PCK2: variants seen among roughly 807,000 people sequenced by gnomAD.
PCK2 encodes phosphoenolpyruvate carboxykinase 2, mitochondrial.
Under a neutral mutation model 65.9 loss-of-function variants are expected in PCK2, and 56 were observed. The ratio of observed to expected loss-of-function variants is 0.85; its 90% CI spans 0.69 to 1.06. The LOEUF is 1.06. Among genes scored for constraint, PCK2 ranks in the 50% least tolerant of loss-of-function variants. The pLI, the probability that PCK2 is intolerant of heterozygous loss-of-function variation, is 0.00. For missense variants in PCK2, 843 were observed against 863.1 expected, an observed-to-expected ratio of 0.98 and a Z score of 0.29; for synonymous variants, 305 against 319.6, an observed-to-expected ratio of 0.95 and a Z score of 0.49.
Position 24,103,546 on chromosome 14 carries a change from C to T in PCK2, c.1505C>T (p.Pro502Leu). 1.9e-6 allele frequency: 3 copies of T among 1,567,112 alleles called. No individual in the cohort carries two copies. The highest frequency in any genetic ancestry group is 1.7e-6 in the Non-Finnish European group (2 of 1,155,302). ...ATGCACGACCCATTTGCCATGCGGC[C>T]CTTTTTTGGCTACAACTTCGGGCAC... ...IIMHDPFAMRPFFGYNFGHYL... is the reference protein window; with the variant it reads ...IIMHDPFAMRLFFGYNFGHYL... Residue 502 changes from proline to leucine, a missense_variant, in exon 10 of 10, where the codon CCC becomes CTC. Coordinates refer to ENST00000216780, the MANE Select transcript of PCK2 (RefSeq NM_004563.4).
In PCK2 at chr14:24,103,638, A is replaced by G. The variant is rs1413495742; in HGVS notation, c.1597A>G (p.Asn533Asp). Reference protein sequence around the residue: ...GAQLPRIFHVNWFRRDEAGHF... With the variant: ...GAQLPRIFHVDWFRRDEAGHF... ...CCAGCTGCCCCGTATCTTCCATGTC[A>G]ACTGGTTCCGGCGTGACGAGGCAGG... Residue 533 changes from asparagine (N) to aspartate (D), a missense_variant, in exon 10 of 10, where the codon AAC becomes GAC. Physicochemically the swap from Asn to Asp is conservative, Grantham distance 23. Transcript: ENST00000216780. The G allele has an allele frequency of 7.4e-6, 12 of 1,613,994 alleles. No homozygotes were observed. Among genetic ancestry groups the G allele is most frequent in the Non-Finnish European group, 1.0e-5 (12 of 1,179,978 alleles).
rs200437491 is a variant in PCK2, at chr14:24,102,785, C to A, written c.1267C>A (p.Arg423=). The change falls in exon 8 of 10, where the codon CGA becomes AGA. Residue 423 remains arginine, a synonymous_variant. Coordinates refer to ENST00000216780, the MANE Select transcript of PCK2 (RefSeq NM_004563.4). Reference sequence around the variant, plus strand: ...GGAGCCCTGTGCACATCCCAACTCTCGATTTTGTGCCCCGGCTCGCCAGTG... The same window carrying A: ...GGAGCCCTGTGCACATCCCAACTCTAGATTTTGTGCCCCGGCTCGCCAGTG... ...DKEPCAHPNS[R]FCAPARQCPI... is the part of the protein sequence containing the mutation. The A allele has an allele frequency of 2.5e-6, 4 of 1,613,908 alleles. No homozygotes were observed. Among genetic ancestry groups the A allele is most frequent in the South Asian group, 1.1e-5 (1 of 91,066 alleles).
In PCK2 at chr14:24,103,920, T is replaced by C; in HGVS notation, c.1879T>C (p.Leu627=). The C allele has an allele frequency of 1.2e-6, 2 of 1,614,058 alleles. No individual in the cohort carries two copies. The highest frequency in any genetic ancestry group is 3.3e-4 in the Middle Eastern group (2 of 6,062). Residue 627 remains leucine, a synonymous_variant, in exon 10 of 10, where the codon TTG becomes CTG. Transcript: ENST00000216780. ...QVNQDLPKEV[L]AELEALERRV... Reference sequence around the variant, plus strand: ...CAACCAGGATCTGCCCAAAGAGGTGTTGGCTGAGCTTGAGGCCCTGGAGAG... The same window carrying C: ...CAACCAGGATCTGCCCAAAGAGGTGCTGGCTGAGCTTGAGGCCCTGGAGAG...
chr14:24,103,176 C>G lies in PCK2; in HGVS notation c.1389C>G (p.Tyr463Ter), dbSNP rs140725571. The change falls in exon 9 of 10, where the codon TAC (tyrosine) becomes TAG (stop). Residue 463 changes from tyrosine (Y) to a stop codon, truncating the protein, a stop_gained. Transcript: ENST00000216780. LOFTEE classifies it high-confidence loss of function. ...GTGATCTAGGGGTACCCCTGGTATACGAGGCCTTCAACTGGCGTCATGGGG... is the reference window on the plus strand; with the variant it reads ...GTGATCTAGGGGTACCCCTGGTATAGGAGGCCTTCAACTGGCGTCATGGGG... The part of the protein sequence containing the change: ...GRRPKGVPLV[Y>*]EAFNWRHGVF... 2.5e-6 allele frequency: 4 copies of G among 1,613,460 alleles called. No individual in the cohort carries two copies. The highest frequency in any genetic ancestry group is 3.4e-6 in the Non-Finnish European group (4 of 1,179,474).
At chr14:24,103,028 G>A in intron 8 of PCK2, 132 bp from the exon 9 acceptor site, 1 of 1,221,490 alleles carries the variant, frequency 8.2e-7, no homozygotes, top group Admixed American at 1.8e-5. Context: ...GCAAACTTGG[G>A]AGGAGGCAAA....
At position 24,103,591 on chromosome 14, in the gene PCK2, G is replaced by A; in HGVS notation, c.1550G>A (p.Ser517Asn). 6.2e-7 allele frequency: 1 copy of A among 1,608,530 alleles called. No individual in the cohort carries two copies. The highest frequency in any genetic ancestry group is 8.5e-7 in the Non-Finnish European group (1 of 1,176,422). The change falls in exon 10 of 10, where the codon AGC becomes AAC. Residue 517 changes from serine (S) to asparagine (N), a missense_variant. By Grantham distance (46) the Ser-to-Asn change is conservative. Transcript: ENST00000216780. ...GGGCACTACCTGGAACACTGGCTGA[G>A]CATGGAAGGGCGCAAGGGGGCCCAG... ...NFGHYLEHWL[S>N]MEGRKGAQLP...
rs1037072782 is a variant in PCK2 at position 24,094,818 on chromosome 14, G to C, written c.29+384G>C. On this transcript the variant is annotated intron_variant, in intron 1 of 9. Coordinates refer to ENST00000216780, the MANE Select transcript of PCK2 (RefSeq NM_004563.4). This position sits in a 1 kb window ranked among gnomAD's most constrained non-coding sequence, Gnocchi z 4.1. ...CTCAGCCAGCGCCCCAGGGTACTTC[G>C]AGAGGCAGCAGGGCCCTGGGGACAA... The C allele has an allele frequency of 7.5e-7, 1 of 1,336,502 alleles. No individual in the cohort carries two copies. Among genetic ancestry groups the C allele is most frequent in the Non-Finnish European group, 9.8e-7 (1 of 1,019,908 alleles). 82.8% of individuals were successfully genotyped at this position (1,336,502 alleles called of 1,614,324 possible).
chr14:24,098,294 C>T lies in PCK2; in HGVS notation c.367C>T (p.Pro123Ser). 1.2e-6 allele frequency: 2 copies of T among 1,614,108 alleles called. No homozygotes were observed. Among genetic ancestry groups the T allele is most frequent in the Non-Finnish European group, 1.7e-6 (2 of 1,179,956 alleles). The change falls in exon 3 of 10, where the codon CCG becomes TCG. Residue 123 changes from proline to serine, a missense_variant. Transcript: ENST00000216780. ...TTCTCAGCGGGACACGGTACCACTC[C>T]CGCCTGGTGGGGCCCGTGGGCAGCT... ...TPSQRDTVPL[P>S]PGGARGQLGN...
rs747610455 is a variant in PCK2, at chr14:24,098,359, GGAT to G, written c.435_437del (p.Asp145del). The G allele has an allele frequency of 2.4e-5, 38 of 1,612,994 alleles. No individual in the cohort carries two copies. Among genetic ancestry groups the G allele is most frequent in the Non-Finnish European group, 3.1e-5 (37 of 1,179,132 alleles). ...CCCCAGCTGATTTCCAGCGAGCTGT[GGAT>G]GAGAGGTTTCCAGGCTGCATGCAGG... On this transcript the variant is annotated inframe_deletion, in exon 3 of 10. Transcript: ENST00000216780.
At chr14:24,102,443 C>T (rs939842504) in intron 7 of PCK2, among the ~76,000 whole-genome samples, 1 of 152,128 alleles carries the variant, frequency 6.6e-6, no homozygotes, top group African/African-American at 2.4e-5. Context: ...CCATATCTAA[C>T]CCCATTCCCT....
chr14:24,094,464 G>A lies in PCK2; in HGVS notation c.29+30G>A, dbSNP rs1173198410. 6.6e-7 allele frequency: 1 copy of A among 1,511,336 alleles called. No homozygotes were observed. Among genetic ancestry groups the A allele is most frequent in the South Asian group, 1.2e-5 (1 of 80,606 alleles). 93.6% of individuals were successfully genotyped at this position (1,511,336 alleles called of 1,614,324 possible). ...GTGACCCCCGGCCCGGGGCCCACCC[G>A]CACCTTCCGCTGCGCTCGCCCCCTC... On this transcript the variant is annotated intron_variant, in intron 1 of 9. Coordinates refer to ENST00000216780, the MANE Select transcript of PCK2 (RefSeq NM_004563.4). This position sits in a 1 kb window ranked among gnomAD's most constrained non-coding sequence, Gnocchi z 4.1.
rs1000635926 is a variant in PCK2, at chr14:24,103,842, G to A, written c.1801G>A (p.Asp601Asn). The change falls in exon 10 of 10, where the codon GAC (aspartate) becomes AAC (asparagine). Residue 601 changes from aspartate (D) to asparagine (N), a missense_variant. Coordinates refer to ENST00000216780, the MANE Select transcript of PCK2 (RefSeq NM_004563.4). ...CACTCAGCTGTTCTCCCTCCCCAAG[G>A]ACTTCTGGGAACAGGAGGTTCGTGA... is the stretch of plus-strand genomic sequence containing the variant. The part of the protein sequence containing the change: ...DTTQLFSLPK[D>N]FWEQEVRDIR... 2.5e-6 allele frequency: 4 copies of A among 1,614,016 alleles called. No individual in the cohort carries two copies. The Admixed American group carries it at 5.0e-5, about 20-fold the overall frequency.
intron 7 of PCK2, among the ~76,000 whole-genome samples, chr14:24,102,113 A>G (rs1462372000): frequency 6.6e-6 from 1 of 152,212 alleles, no homozygotes; most frequent in Non-Finnish European, 1.5e-5. Flanking sequence ...CTGTAATCCC[A>G]GCTACTGGGG....
chr14:24,097,406 A>T (rs2036936821), intron 2 of PCK2, among the ~76,000 whole-genome samples: 1 of 150,436 alleles, frequency 6.6e-6, no homozygotes, highest in Non-Finnish European at 1.5e-5. Flanking sequence ...AAAAAAAAAA[A>T]TACAAAAATT....
In PCK2 at chr14:24,100,220, G is replaced by A. The variant is rs753803437; in HGVS notation, c.1234+7G>A. 4.3e-6 allele frequency: 7 copies of A among 1,613,900 alleles called. No individual in the cohort carries two copies. The African/African-American group carries it at 6.7e-5, about 15-fold the overall frequency. ...GGCAAACCCTGGAAACCTGGTATGT[G>A]CGGTGGGGAAGGTGTGGCACAGCCT... On this transcript the variant is annotated splice_region_variant and intron_variant, in intron 7 of 9. Coordinates refer to ENST00000216780, the MANE Select transcript of PCK2 (RefSeq NM_004563.4).
Position 24,100,069 on chromosome 14 carries a change from A to G in PCK2, c.1090A>G (p.Asn364Asp). 1.2e-6 allele frequency: 2 copies of G among 1,613,140 alleles called. No homozygotes were observed. Among genetic ancestry groups the G allele is most frequent in the Non-Finnish European group, 1.7e-6 (2 of 1,179,506 alleles). The change falls in exon 7 of 10, where the codon AAC becomes GAC. Residue 364 changes from asparagine to aspartate, a missense_variant. Transcript: ENST00000216780. ...TGGTACCTCTGCCACCACCAATCCC[A>G]ACGCCATGGCTACAATCCAGAGTAA... ...APGTSATTNP[N>D]AMATIQSNTI... is the part of the protein sequence containing the mutation.
Position 24,104,082 on chromosome 14 carries a change from T to G in PCK2, c.*118T>G. ...AACATCTTCAATGTGCCATAGACCT[T>G]CCCACAAAGACTGTCCAATAATAAG... On this transcript the variant is annotated 3_prime_UTR_variant, in exon 10 of 10. Transcript: ENST00000216780. 8.8e-6 allele frequency: 6 copies of G among 681,832 alleles called. No homozygotes were observed. The highest frequency in any genetic ancestry group is 1.3e-5 in the Non-Finnish European group (5 of 387,398). 42.2% of individuals were successfully genotyped at this position (681,832 alleles called of 1,614,324 possible). A position where few individuals can be genotyped will look rare whatever the true frequency, so the allele number is the denominator to read the frequency against.
At chr14:24,103,060 G>C (rs547327387) in intron 8 of PCK2, 100 bp from the exon 9 acceptor site, 5 of 1,192,408 alleles carry the variant, frequency 4.2e-6, no homozygotes, top group Middle Eastern at 3.8e-4. Flanking sequence ...TGGGATAGCC[G>C]AGGTCTTAGG....
chr14:24,098,921 G>A, intron 4 of PCK2, 128 bp from the exon 5 acceptor site: 7 of 776,528 alleles, frequency 9.0e-6, no homozygotes, highest in Non-Finnish European at 1.5e-5. Context: ...TGAGGTGGGG[G>A]GCTTCAGCCA....
Sources: allele counts gnomAD v4.1 joint callset (sites outside exome capture counted in the v4.1 genomes callset), GRCh38; gene constraint gnomAD v4.1.1; non-coding constraint Gnocchi (gnomAD v3.1); transcripts MANE v1.5; gene names NCBI Gene and HGNC (gene_info 2026-07-23, HGNC 2026-07-21).